SGPP1: variants seen among roughly 807,000 people sequenced by gnomAD.
SGPP1 encodes the protein hSPP1.
SGPP1 carries 21 observed loss-of-function variants against 33.0 expected under a neutral mutation model. The ratio of observed to expected loss-of-function variants is 0.64; its 90% confidence interval spans 0.45 to 0.92. The LOEUF (loss-of-function observed/expected upper bound fraction) is 0.92. Among genes scored for constraint, SGPP1 ranks in the 40% least tolerant of loss-of-function variants. The pLI is 0.00. For missense variants in SGPP1, 543 were observed against 589.4 expected (o/e 0.92, Z 0.81); for synonymous variants, 239 against 241.2 (o/e 0.99, Z 0.08).
intron 1 of SGPP1, among the ~76,000 whole-genome samples, chr14:63,708,504 T>C (rs1885461370): frequency 6.6e-6 from 1 of 151,890 alleles, no homozygotes; most frequent in African/African-American, 2.4e-5. Context: ...CCTCAGATGA[T>C]CTGCTAGCCT....
chr14:63,719,540 C>T (rs920132610), intron 1 of SGPP1, among the ~76,000 whole-genome samples: 17 of 151,946 alleles, frequency 1.1e-4, no homozygotes, highest in Admixed American at 5.3e-4. Context: ...TGTGTCATTA[C>T]ACTAGCAAAC....
intron 1 of SGPP1, among the ~76,000 whole-genome samples, chr14:63,703,577 C>G (rs537297875): frequency 3.5e-5 from 5 of 143,780 alleles, no homozygotes; most frequent in Non-Finnish European, 7.5e-5. Context: ...TGCTTGAACC[C>G]GGGAGGCAGA....
At position 63,728,048 on chromosome 14, in the gene SGPP1, C is replaced by A; in HGVS notation, c.-104G>T. 1 of 1,195,504 alleles carries A rather than the reference C, an allele frequency of 8.4e-7. No homozygotes were observed. The highest frequency in any genetic ancestry group is 2.8e-5 in the South Asian group (1 of 35,536). The allele number at this position is 1,195,504 out of a possible 1,614,324, so 74.1% of individuals were successfully genotyped here. A position where few individuals can be genotyped will look rare whatever the true frequency, so the allele number is the denominator to read the frequency against. On this transcript the variant is annotated 5_prime_UTR_variant, in exon 1 of 3. Coordinates refer to ENST00000247225, the MANE Select transcript of SGPP1 (RefSeq NM_030791.4). ...GGAACCGGCACAGCGCTCTACCCTC[C>A]GGAGTCTGCCGGGTGACGGCGCCAC...
chr14:63,709,547 T>C (rs1291094001), intron 1 of SGPP1, among the ~76,000 whole-genome samples: 1 of 152,184 alleles, frequency 6.6e-6, no homozygotes, highest in East Asian at 1.9e-4. Context: ...TGGGTAACAA[T>C]TTTAAATTTG....
At chr14:63,705,706 T>C (rs1459994647) in intron 1 of SGPP1, among the ~76,000 whole-genome samples, 4 of 151,722 alleles carry the variant, frequency 2.6e-5, no homozygotes, top group Non-Finnish European at 4.4e-5. Context: ...AAAATCAAAA[T>C]CACAGTGAGG....
In SGPP1 at chr14:63,727,907, C is replaced by T; in HGVS notation, c.38G>A (p.Arg13His). 6.5e-7 allele frequency: 1 copy of T among 1,542,372 alleles called. No homozygotes were observed. ...LRQRLAQLVG[R>H]LQDPQKVARF... ...GGCCACTTTCTGCGGGTCCTGCAGA[C>T]GGCCAACCAGCTGGGCCAGGCGCTG... The change falls in exon 1 of 3, where the codon CGT becomes CAT. Residue 13 changes from arginine (R) to histidine (H), a missense_variant. By Grantham distance (29) the Arg-to-His change is conservative. Transcript: ENST00000247225.
chr14:63,718,464 A>G (rs1487909876), intron 1 of SGPP1, among the ~76,000 whole-genome samples: 1 of 152,184 alleles, frequency 6.6e-6, no homozygotes, highest in Non-Finnish European at 1.5e-5. Context: ...GAGAAAAATT[A>G]TACCAGTTCC....
In SGPP1 at chr14:63,728,060, G is replaced by A; in HGVS notation, c.-116C>T. On this transcript the variant is annotated 5_prime_UTR_variant, in exon 1 of 3. Coordinates refer to ENST00000247225, the MANE Select transcript of SGPP1 (RefSeq NM_030791.4). ...GCGCTCTACCCTCCGGAGTCTGCCG[G>A]GTGACGGCGCCACAGGCCGCGCGCC... 8.9e-7 allele frequency: 1 copy of A among 1,120,996 alleles called. No individual in the cohort carries two copies. Among genetic ancestry groups the A allele is most frequent in the Non-Finnish European group, 1.1e-6 (1 of 889,428 alleles). The allele number at this position is 1,120,996 out of a possible 1,614,324, so 69.4% of individuals were successfully genotyped here. A position where few individuals can be genotyped will look rare whatever the true frequency, so the allele number is the denominator to read the frequency against.
chr14:63,699,939 G>A (rs1355726933), intron 1 of SGPP1, among the ~76,000 whole-genome samples: 2 of 151,948 alleles, frequency 1.3e-5, no homozygotes, highest in Non-Finnish European at 1.5e-5. Context: ...GAAGGATTCT[G>A]TCCTTAGTAG....
intron 1 of SGPP1, among the ~76,000 whole-genome samples, chr14:63,701,745 G>A (rs1204254460): frequency 6.6e-6 from 1 of 152,072 alleles, no homozygotes; most frequent in East Asian, 1.9e-4. Context: ...GAGTAAAGCT[G>A]CTATGTAGAG....
intron 1 of SGPP1, among the ~76,000 whole-genome samples, chr14:63,707,040 CAAA>C (rs747329924): frequency 4.5e-5 from 3 of 66,338 alleles, no homozygotes; most frequent in South Asian, 5.5e-4. Context: ...GACTCTGTCC[CAAA>C]AAAAAAAAAA....
intron 1 of SGPP1, among the ~76,000 whole-genome samples, chr14:63,700,885 G>A (rs1234975523): frequency 6.6e-6 from 1 of 152,186 alleles, no homozygotes; most frequent in East Asian, 1.9e-4. Flanking sequence ...ACTACATGTT[G>A]AGATGCATCA....
intron 1 of SGPP1, among the ~76,000 whole-genome samples, chr14:63,712,449 C>T (rs1357347017): frequency 2.0e-5 from 3 of 152,030 alleles, no homozygotes; most frequent in East Asian, 3.9e-4. Context: ...GCTCCCTTGA[C>T]CACAGCTACT....
chr14:63,722,767 A>G (rs1469444747), intron 1 of SGPP1, among the ~76,000 whole-genome samples: 1 of 151,482 alleles, frequency 6.6e-6, no homozygotes, highest in East Asian at 1.9e-4. Flanking sequence ...GGAGTTCAAG[A>G]CCAGCCTAAG....
intron 1 of SGPP1, among the ~76,000 whole-genome samples, chr14:63,718,998 ATATATATATATATATATTTTTTTTTTTTT>A (rs1194735769): frequency 1.9e-4 from 4 of 21,080 alleles, no homozygotes; most frequent in East Asian, 2.4e-3. Flanking sequence ...ATATATATAT[ATATATATATATATATATTTTTTTTTTTTT>A]TTTTTTTTTT....
chr14:63,706,379 G>A (rs773584655), intron 1 of SGPP1, among the ~76,000 whole-genome samples: 4 of 152,078 alleles, frequency 2.6e-5, no homozygotes, highest in Non-Finnish European at 5.9e-5. Context: ...CATTGTGAAT[G>A]TACTAGAGCT....
chr14:63,686,725 A>G (rs1252951310), intron 2 of SGPP1, 69 bp from the exon 3 acceptor site: 1 of 1,117,550 alleles, frequency 8.9e-7, no homozygotes, highest in Non-Finnish European at 1.2e-6. Flanking sequence ...AAAATAATTT[A>G]TATTTGACAT....
chr14:63,724,027 G>C (rs370040990), intron 1 of SGPP1, among the ~76,000 whole-genome samples: 1 of 151,844 alleles, frequency 6.6e-6, no homozygotes, highest in East Asian at 1.9e-4. Flanking sequence ...ACAGGCATGC[G>C]CCACCATGCC....
At chr14:63,708,515 C>A (rs8006915) in intron 1 of SGPP1, among the ~76,000 whole-genome samples, 1 of 151,742 alleles carries the variant, frequency 6.6e-6, no homozygotes, top group Non-Finnish European at 1.5e-5. Context: ...CTGCTAGCCT[C>A]GGCCTCTCAA....
Sources: allele counts gnomAD v4.1 joint callset (sites outside exome capture counted in the v4.1 genomes callset), GRCh38; gene constraint gnomAD v4.1.1; transcripts MANE v1.5; gene names NCBI Gene and HGNC (gene_info 2026-07-23, HGNC 2026-07-21).